RYR3: variants seen among roughly 807,000 people sequenced by gnomAD.
RYR3 encodes ryanodine receptor 3, also known as brain ryanodine receptor-calcium release channel.
In RYR3, 207 loss-of-function variants were observed where a neutral mutation model predicts 584.3. The ratio of observed to expected loss-of-function variants is 0.35; its 90% confidence interval spans 0.32 to 0.40. The LOEUF (loss-of-function observed/expected upper bound fraction) is 0.40. Among genes scored for constraint, RYR3 ranks in the 10% least tolerant of loss-of-function variants. The probability of loss-of-function intolerance (pLI) is 1.00; values close to 1 mark genes in which losing one functional copy is unlikely to be tolerated. For synonymous variants in RYR3, 2,416 were observed against 2,248.5 expected, an observed-to-expected ratio of 1.07 and a Z score of -2.11; for missense variants, 5,616 against 6,089.2, an observed-to-expected ratio of 0.92 and a Z score of 2.59.
At chr15:33,794,075 TATAA>T (rs1316361457) in intron 67 of RYR3, among the ~76,000 whole-genome samples, 1 of 140,032 alleles carries the variant, frequency 7.1e-6, no homozygotes, top group African/African-American at 2.7e-5. Context: ...AATAAATATA[TATAA>T]ATATATACAT....
At position 33,337,707 on chromosome 15, in the gene RYR3, T is replaced by G. The variant is rs543456296; in HGVS notation, c.51+26611T>G. On this transcript the variant is annotated intron_variant, in intron 1 of 103. Coordinates refer to ENST00000634891, the MANE Select transcript of RYR3 (RefSeq NM_001036.6). Reference sequence around the variant, plus strand: ...ACAGTCACTTTGGAAAATAACCTGATAACATGGTGAAGTTGAATATACACA... The same window carrying G: ...ACAGTCACTTTGGAAAATAACCTGAGAACATGGTGAAGTTGAATATACACA... Among the ~76,000 whole-genome samples the G allele has an allele frequency of 3.7e-4, 56 of 152,280 alleles. 1 individual carries two copies. Among genetic ancestry groups the G allele is most frequent in the African/African-American group, 1.3e-3 (56 of 41,562 alleles).
At chr15:33,699,621 C>G (rs2066147051) in intron 40 of RYR3, 83 bp from the exon 41 acceptor site, 2 of 1,284,180 alleles carry the variant, frequency 1.6e-6, no homozygotes, top group East Asian at 4.8e-5. Flanking sequence ...CACACTTTAC[C>G]CACTTAAGAC....
intron 55 of RYR3, among the ~76,000 whole-genome samples, chr15:33,749,694 C>A (rs2071093209): frequency 1.3e-5 from 2 of 152,070 alleles, no homozygotes; most frequent in South Asian, 4.2e-4. Context: ...TGCCAGCATG[C>A]GGGTTCAAGT....
At chr15:33,821,798 C>T (rs1386147962) in intron 80 of RYR3, among the ~76,000 whole-genome samples, 196 bp downstream of exon 80, 1 of 152,052 alleles carries the variant, frequency 6.6e-6, no homozygotes, top group Non-Finnish European at 1.5e-5. Flanking sequence ...GCAAATGTGT[C>T]TTTAATAAAG....
Position 33,390,801 on chromosome 15 carries a change from A to G in RYR3, c.51+79705A>G, listed in dbSNP as rs1162630514. 1.3e-5 allele frequency among the ~76,000 whole-genome samples: 2 copies of G among 152,112 alleles called. No homozygotes were observed. The highest frequency in any genetic ancestry group is 2.9e-5 in the Non-Finnish European group (2 of 68,020). On this transcript the variant is annotated intron_variant, in intron 1 of 103. Coordinates refer to ENST00000634891, the MANE Select transcript of RYR3 (RefSeq NM_001036.6). The surrounding 1 kb of genome is among the most constrained non-coding windows in gnomAD (Gnocchi z 4.2). ...GGTGCTTCTGTGACCATACCCCAAT[A>G]AAAACCCTGGATGCTGACTCCATAA...
chr15:33,699,117 C>T lies in RYR3; in HGVS notation c.6250-587C>T, dbSNP rs576518102. ...AAGTAGTCAGGGAAGACTCAGAGAG[C>T]GATGCCTTTCAGACTTGCGTAACTG... is the stretch of plus-strand genomic sequence containing the variant. On this transcript the variant is annotated intron_variant, in intron 40 of 103. Transcript: ENST00000634891. Among the ~76,000 whole-genome samples, 16 of 152,194 alleles carry T rather than the reference C, an allele frequency of 1.1e-4. No individual in the cohort carries two copies. The South Asian group carries it at 3.1e-3, about 30-fold the overall frequency.
At chr15:33,829,936 C>T (rs907072952) in intron 85 of RYR3, among the ~76,000 whole-genome samples, 3 of 152,134 alleles carry the variant, frequency 2.0e-5, no homozygotes, top group Non-Finnish European at 4.4e-5. Flanking sequence ...GCCTGAAGAA[C>T]ATGAACCTGA....
At chr15:33,834,900 C>A in intron 86 of RYR3, 68 bp from the exon 87 acceptor site, 1 of 1,207,644 alleles carries the variant, frequency 8.3e-7, no homozygotes, top group Non-Finnish European at 1.2e-6. Context: ...TATCAGATGC[C>A]CTTACTAGAC....
Position 33,748,305 on chromosome 15 carries a change from A to G in RYR3, c.8136+45A>G, listed in dbSNP as rs1195987658. On this transcript the variant is annotated intron_variant, in intron 54 of 103. Transcript: ENST00000634891. ...GGCCCACGCTGGGCCGATGGAAGCC[A>G]TGGAGAATCTGGGAATGTTCTGCCT... 6.9e-6 allele frequency: 11 copies of G among 1,605,668 alleles called. 1 individual carries two copies. In the South Asian group the frequency reaches 1.1e-4, roughly 16 times the overall value.
chr15:33,391,101 T>G (rs180931834), intron 1 of RYR3, among the ~76,000 whole-genome samples: 17 of 152,074 alleles, frequency 1.1e-4, no homozygotes, highest in African/African-American at 4.1e-4. Flanking sequence ...CCTGAAACAG[T>G]AAGAAATATG....
In RYR3 at chr15:33,390,649, A is replaced by G. The variant is rs2041935527; in HGVS notation, c.51+79553A>G. ...CTTGGCCGACACCTGGGAACTTGGT[A>G]CTTGTCCCATTCTCTAAGAAATCAG... On this transcript the variant is annotated intron_variant, in intron 1 of 103. Coordinates refer to ENST00000634891, the MANE Select transcript of RYR3 (RefSeq NM_001036.6). This position sits in a 1 kb window ranked among gnomAD's most constrained non-coding sequence, Gnocchi z 4.2. Among the ~76,000 whole-genome samples the G allele has an allele frequency of 6.6e-6, 1 of 152,176 alleles. No individual in the cohort carries two copies. The highest frequency in any genetic ancestry group is 1.5e-5 in the Non-Finnish European group (1 of 68,036).
chr15:33,810,552 T>C lies in RYR3; in HGVS notation c.10100T>C (p.Ile3367Thr). 6.2e-7 allele frequency: 1 copy of C among 1,613,980 alleles called. No individual in the cohort carries two copies. Among genetic ancestry groups the C allele is most frequent in the Non-Finnish European group, 8.5e-7 (1 of 1,179,894 alleles). ...GDLYSIQTSL[I>T]VAALKKMLPI... ...TTGTATTCCATCCAGACCTCCCTCA[T>C]CGTGGCTGCACTCAAGAAAATGCTG... Residue 3367 changes from isoleucine to threonine, a missense_variant, in exon 71 of 104, where the codon ATC becomes ACC. Coordinates refer to ENST00000634891, the MANE Select transcript of RYR3 (RefSeq NM_001036.6).
chr15:33,613,280 A>G lies in RYR3; in HGVS notation c.2262A>G (p.Ser754=), dbSNP rs752650084. Residue 754 remains serine (S), a synonymous_variant, in exon 19 of 104, where the codon TCA becomes TCG. Coordinates refer to ENST00000634891, the MANE Select transcript of RYR3 (RefSeq NM_001036.6). The part of the protein sequence containing the change: ...CCLDLGVPSI[S]FRINGQPVQG... ...TGGACCTCGGGGTGCCCAGCATCTCATTCCGCATCAATGGGCAGCCCGTGC... is the reference window on the plus strand; with the variant it reads ...TGGACCTCGGGGTGCCCAGCATCTCGTTCCGCATCAATGGGCAGCCCGTGC... The G allele has an allele frequency of 6.2e-7, 1 of 1,613,954 alleles. No individual in the cohort carries two copies. Among genetic ancestry groups the G allele is most frequent in the Non-Finnish European group, 8.5e-7 (1 of 1,179,860 alleles).
rs1271160219 is a variant in RYR3, at chr15:33,865,437, CGAA to C, written c.*216_*218del. 3.2e-5 allele frequency: 16 copies of C among 495,458 alleles called. No individual in the cohort carries two copies. The highest frequency in any genetic ancestry group is 1.3e-4 in the African/African-American group (7 of 51,902). 30.7% of individuals were successfully genotyped at this position (495,458 alleles called of 1,614,324 possible). A position where few individuals can be genotyped will look rare whatever the true frequency, so the allele number is the denominator to read the frequency against. On this transcript the variant is annotated 3_prime_UTR_variant, in exon 104 of 104. Coordinates refer to ENST00000634891, the MANE Select transcript of RYR3 (RefSeq NM_001036.6). ...TGTGGGAGAGAACCTGTCAAAATGT[CGAA>C]GAAGGAAGGCGAAGAATCAAGTAAT...
At chr15:33,546,539 TG>T (rs2056252651) in intron 8 of RYR3, among the ~76,000 whole-genome samples, 1 of 152,214 alleles carries the variant, frequency 6.6e-6, no homozygotes, top group South Asian at 2.1e-4. Flanking sequence ...CCATTGTTGA[TG>T]TAATGTTTCA....
intron 12 of RYR3, among the ~76,000 whole-genome samples, chr15:33,579,464 G>A (rs1021593703): frequency 5.3e-5 from 8 of 151,890 alleles, no homozygotes; most frequent in African/African-American, 1.9e-4. Flanking sequence ...ATGCCAAGAA[G>A]GTGTGATTGT....
In RYR3 at chr15:33,826,693, A is replaced by C; in HGVS notation, c.11186A>C (p.Asp3729Ala). 6.2e-7 allele frequency: 1 copy of C among 1,614,002 alleles called. No individual in the cohort carries two copies. Among genetic ancestry groups the C allele is most frequent in the Non-Finnish European group, 8.5e-7 (1 of 1,179,870 alleles). The change falls in exon 84 of 104, where the codon GAC (aspartate) becomes GCC (alanine). Residue 3729 changes from aspartate to alanine, a missense_variant. Around this residue, in one of 9 missense-constraint regions of RYR3, gnomAD observed 954 missense variants for 1,132.2 expected, o/e 0.84. Transcript: ENST00000634891. ...RERGEKVLQN[D>A]EFTRDLFRFL... ...CAAGGTGAAAAAGTACTCCAGAATG[A>C]CGAGTTCACGCGTGATCTCTTTAGA... is the stretch of plus-strand genomic sequence containing the variant.
chr15:33,845,787 A>G (rs1034907106), intron 93 of RYR3, among the ~76,000 whole-genome samples: 3 of 152,232 alleles, frequency 2.0e-5, no homozygotes, highest in Non-Finnish European at 2.9e-5. Flanking sequence ...TTAGGTGGTA[A>G]CCACTCAAGA....
rs1180725905 is a variant in RYR3 at position 33,650,269 on chromosome 15, C to T, written c.4142+1034C>T. Among the ~76,000 whole-genome samples the T allele has an allele frequency of 5.9e-5, 9 of 152,016 alleles. No individual in the cohort carries two copies. In the South Asian group the frequency reaches 8.3e-4, roughly 14 times the overall value. On this transcript the variant is annotated intron_variant, in intron 31 of 103. Coordinates refer to ENST00000634891, the MANE Select transcript of RYR3 (RefSeq NM_001036.6). ...GCGTGTGCCTGTAATCCCAGCTACTCGGGAGGCTGAGGCAGGAGAATCGCT... is the reference window on the plus strand; with the variant it reads ...GCGTGTGCCTGTAATCCCAGCTACTTGGGAGGCTGAGGCAGGAGAATCGCT...
Sources: allele counts gnomAD v4.1 joint callset (sites outside exome capture counted in the v4.1 genomes callset), GRCh38; gene constraint gnomAD v4.1.1; regional missense constraint gnomAD v4.1.1; non-coding constraint Gnocchi (gnomAD v3.1); transcripts MANE v1.5; gene names NCBI Gene and HGNC (gene_info 2026-07-23, HGNC 2026-07-21).